Variants in THOC2 observed in about 807,000 individuals in gnomAD.
THOC2 encodes the protein THO complex subunit 2, also known as THO complex 2.
Under a neutral mutation model 128.4 loss-of-function variants are expected in THOC2, and 10 were observed. That is an observed-to-expected ratio of 0.08 (90% CI 0.05 to 0.13). The LOEUF (loss-of-function observed/expected upper bound fraction) is 0.13, where lower values mean the gene tolerates loss of function less well. Ranked by LOEUF, THOC2 falls within the 10% of genes least tolerant of loss-of-function variation. THOC2 has a pLI of 1.00. For synonymous variants in THOC2, 393 were observed against 396.9 expected, an observed-to-expected ratio of 0.99 and a Z score of 0.12; for missense variants, 535 against 1,155.7, an observed-to-expected ratio of 0.46 and a Z score of 7.79.
chrX:123,678,879 A>G (rs1297199021), intron 8 of THOC2, among the ~76,000 whole-genome samples: 2 of 110,774 alleles, frequency 1.8e-5, no homozygotes, highest in Non-Finnish European at 3.8e-5. Context: ...TTAGACTTCT[A>G]CAAACTCCCA....
At chrX:123,672,934 A>C in intron 8 of THOC2, among the ~76,000 whole-genome samples, 1 of 112,949 alleles carries the variant, frequency 8.9e-6, no homozygotes, top group East Asian at 2.8e-4. Context: ...TTATGCAAAT[A>C]AAATACAAAG....
chrX:123,620,224 G>C (rs890462444), intron 32 of THOC2: 1 of 111,677 alleles, frequency 9.0e-6, no homozygotes, highest in African/African-American at 3.3e-5. Context: ...ACGATTTTGT[G>C]CTGCAGTTGA....
At chrX:123,650,520 G>A (rs758088562) in intron 12 of THOC2, among the ~76,000 whole-genome samples, 16 of 111,676 alleles carry the variant, frequency 1.4e-4, no homozygotes, top group Non-Finnish European at 2.8e-4. Context: ...CTAGGAAATT[G>A]GATAGGGTCA....
intron 25 of THOC2, 89 bp from the exon 26 acceptor site, chrX:123,624,758 A>C (rs1005374169): frequency 2.3e-6 from 2 of 885,664 alleles, no homozygotes; most frequent in Non-Finnish European, 3.2e-6. Flanking sequence ...GCAAGTCATA[A>C]TAAACAGGTA....
In THOC2 at chrX:123,600,879, C is replaced by T. The variant is rs1455487393; in HGVS notation, c.*478G>A. ...TAAGCATTTCATAAGACAATGCTCC[C>T]ACTGCTTTTAGTGACTAATATTAAG... On this transcript the variant is annotated 3_prime_UTR_variant, in exon 39 of 39. Transcript: ENST00000245838. 1.8e-5 allele frequency: 2 copies of T among 112,388 alleles called. No homozygotes were observed. Among genetic ancestry groups the T allele is most frequent in the African/African-American group, 6.5e-5 (2 of 30,836 alleles). 9.3% of individuals were successfully genotyped at this position (112,388 alleles called of 1,213,427 possible). A position where few individuals can be genotyped will look rare whatever the true frequency, so the allele number is the denominator to read the frequency against.
chrX:123,630,447 T>C (rs1359127973), intron 22 of THOC2, among the ~76,000 whole-genome samples: 1 of 108,527 alleles, frequency 9.2e-6, no homozygotes, highest in Non-Finnish European at 1.9e-5. Context: ...ATCTCATCTC[T>C]TCTAAAAATA....
chrX:123,661,361 C>T (rs186529614), intron 12 of THOC2, among the ~76,000 whole-genome samples: 3,151 of 109,831 alleles, frequency 0.029, 49 homozygotes, highest in South Asian at 0.05. Context: ...GCCGAGGTCG[C>T]GCCATTGCAC....
intron 4 of THOC2, 110 bp from the exon 5 acceptor site, chrX:123,697,861 G>C: frequency 2.4e-6 from 1 of 409,233 alleles, no homozygotes; most frequent in East Asian, 4.2e-5. Context: ...GCCTCAATCT[G>C]AATTTGGAAA....
intron 8 of THOC2, among the ~76,000 whole-genome samples, chrX:123,678,107 C>G (rs2049583794): frequency 9.1e-6 from 1 of 110,132 alleles, no homozygotes; most frequent in Non-Finnish European, 1.9e-5. Flanking sequence ...TGAGGCTCTT[C>G]TTGAGGAGGT....
At chrX:123,713,841 G>GA (rs1249437339) in intron 1 of THOC2, among the ~76,000 whole-genome samples, 2,937 of 90,003 alleles carry the variant, frequency 0.033, 126 homozygotes, top group African/African-American at 0.11. Context: ...TGGGAGACAG[G>GA]AAAAAAAAAA....
At chrX:123,622,107 A>G (rs1432799846) in intron 30 of THOC2, among the ~76,000 whole-genome samples, 4 of 111,877 alleles carry the variant, frequency 3.6e-5, no homozygotes, top group African/African-American at 1.3e-4. Flanking sequence ...GCAGATTTAA[A>G]AGATGTATTA....
chrX:123,668,429 G>A (rs1254434470), intron 9 of THOC2, 115 bp from the exon 10 acceptor site: 5 of 438,980 alleles, frequency 1.1e-5, no homozygotes, highest in African/African-American at 5.1e-5. Context: ...TAACTTATTC[G>A]TGACCATTTG....
rs1300365770 is a variant in THOC2, at chrX:123,686,560, G to C, written c.756C>G (p.Phe252Leu). 8.4e-7 allele frequency: 1 copy of C among 1,192,564 alleles called. No individual in the cohort carries two copies. The highest frequency in any genetic ancestry group is 1.1e-6 in the Non-Finnish European group (1 of 885,448). Reference sequence around the variant, plus strand: ...CGTTTTTCTTTACCTGGTAAAACTTGAATTTGAACCCAAGAATATGACACA... The same window carrying C: ...CGTTTTTCTTTACCTGGTAAAACTTCAATTTGAACCCAAGAATATGACACA... ...QTLCHILGFK[F>L]KFYQEPNGET... Residue 252 changes from phenylalanine (F) to leucine (L), a missense_variant, in exon 8 of 39, where the codon TTC becomes TTG. Physicochemically the swap from Phe to Leu is conservative, Grantham distance 22. Around this residue, in one of 9 missense-constraint regions of THOC2, gnomAD observed 197 missense variants for 313.4 expected, o/e 0.63. Coordinates refer to ENST00000245838, the MANE Select transcript of THOC2 (RefSeq NM_001081550.2).
intron 22 of THOC2, among the ~76,000 whole-genome samples, chrX:123,630,612 CAAAAAAAAAAAAAAAAA>C (rs57639724): frequency 6.2e-5 from 1 of 16,074 alleles, no homozygotes; most frequent in Non-Finnish European, 1.4e-4. Context: ...GACTCCATCT[CAAAAAAAAAAAAAAAAA>C]AAAAAAAAAA....
At chrX:123,696,191 A>T (rs372147449) in intron 6 of THOC2, 37 bp from the exon 7 acceptor site, 3 of 993,358 alleles carry the variant, frequency 3.0e-6, no homozygotes, top group African/African-American at 3.8e-5. Flanking sequence ...GGATAAAATT[A>T]ATTTTAATTA....
chrX:123,633,267 C>G (rs1326081303), intron 20 of THOC2, among the ~76,000 whole-genome samples: 1 of 112,063 alleles, frequency 8.9e-6, no homozygotes, highest in Non-Finnish European at 1.9e-5. Context: ...CATTTTCCAC[C>G]TTGCAGTCCC....
At chrX:123,626,942 G>GTT (rs1488882079) in intron 23 of THOC2, among the ~76,000 whole-genome samples, 3 of 111,369 alleles carry the variant, frequency 2.7e-5, no homozygotes, top group African/African-American at 9.8e-5. Flanking sequence ...ATCAAGACTG[G>GTT]TTTACAAGCC....
rs1173164682 is a variant in THOC2 at position 123,686,693 on chromosome X, T to C, written c.623A>G (p.Asn208Ser). ...TTCTAAAATGACATCCAAAACTCTA[T>C]TGGGATCCAGATTAAAGCATCCTGC... ...SLIGCFNLDP[N>S]RVLDVILEVF... Residue 208 changes from asparagine (N) to serine (S), a missense_variant, in exon 8 of 39, where the codon AAT becomes AGT. Physicochemically the swap from Asn to Ser is conservative, Grantham distance 46. Transcript: ENST00000245838. 1.0e-5 allele frequency: 12 copies of C among 1,191,802 alleles called. No homozygotes were observed. The highest frequency in any genetic ancestry group is 1.2e-5 in the Non-Finnish European group (11 of 884,988).
chrX:123,655,949 C>T (rs377473388), intron 12 of THOC2, among the ~76,000 whole-genome samples: 2 of 109,270 alleles, frequency 1.8e-5, no homozygotes, highest in East Asian at 2.8e-4. Flanking sequence ...ACCTGGAAGG[C>T]GGAGGTTGCA....
Sources: gnomAD v4.1 joint callset for allele counts (sites outside exome capture counted in the v4.1 genomes callset) on GRCh38, gnomAD v4.1.1 for gene constraint, gnomAD v4.1.1 regional missense constraint, MANE v1.5 for transcripts, NCBI Gene and HGNC (gene_info 2026-07-23, HGNC 2026-07-21) for gene names.